AK8: variants seen among roughly 807,000 people sequenced by gnomAD.
AK8 encodes adenylate kinase 8.
In AK8, 44 loss-of-function variants were observed where a neutral mutation model predicts 54.6. The observed-to-expected ratio is 0.81, with a 90% CI of 0.63 to 1.04. AK8 has a LOEUF of 1.04. AK8 is among the 50% of genes least tolerant of loss of function. The pLI, the probability that AK8 is intolerant of heterozygous loss-of-function variation, is 0.00. For synonymous variants in AK8, 239 were observed against 245.6 expected, an observed-to-expected ratio of 0.97 and a Z score of 0.25; for missense variants, 555 against 613.6, an observed-to-expected ratio of 0.90 and a Z score of 1.01.
chr9:132,727,157 G>A (rs1005368698), intron 12 of AK8, among the ~76,000 whole-genome samples: 21 of 152,054 alleles, frequency 1.4e-4, no homozygotes, highest in African/African-American at 4.1e-4. Flanking sequence ...AACAGGTGAC[G>A]CCCACCCAAG....
In AK8 at chr9:132,826,194, G is replaced by T. The variant is rs924293151; in HGVS notation, c.757+660C>A. ...GCACAAGTTTTGTTCCTATTTTAGC[G>T]ATGCCAAAACTAGGGCTCCGAGGAG... On this transcript the variant is annotated intron_variant, in intron 8 of 12. Coordinates refer to ENST00000298545, the MANE Select transcript of AK8 (RefSeq NM_152572.3). This position sits in a 1 kb window ranked among gnomAD's most constrained non-coding sequence, Gnocchi z 4.5. 1.1e-4 allele frequency among the ~76,000 whole-genome samples: 17 copies of T among 152,268 alleles called. No homozygotes were observed. Among genetic ancestry groups the T allele is most frequent in the African/African-American group, 4.1e-4 (17 of 41,554 alleles).
In AK8 at chr9:132,725,771, G is replaced by C. The variant is rs773892056; in HGVS notation, c.1357C>G (p.Leu453Val). 1 of 1,600,598 alleles carries C rather than the reference G, an allele frequency of 6.2e-7. No homozygotes were observed. The highest frequency in any genetic ancestry group is 8.5e-7 in the Non-Finnish European group (1 of 1,173,838). ...LEQLYGSAIT[L>V]NGDQDPYTVF... Reference sequence around the variant, plus strand: ...GTGTATGGGTCCTGGTCCCCATTGAGGGTGATGGCCGACCCATACAACTGC... The same window carrying C: ...GTGTATGGGTCCTGGTCCCCATTGACGGTGATGGCCGACCCATACAACTGC... The change falls in exon 13 of 13, where the codon CTC (leucine) becomes GTC (valine). Residue 453 changes from leucine (L) to valine (V), a missense_variant. Leu to Val is a conservative substitution (Grantham distance 32). Coordinates refer to ENST00000298545, the MANE Select transcript of AK8 (RefSeq NM_152572.3).
Position 132,828,725 on chromosome 9 carries a change from C to G in AK8, c.404G>C (p.Gly135Ala), listed in dbSNP as rs1327914436. ...RLAEEDCIKQ[G>A]WILDGIPETR... is the part of the protein sequence containing the mutation. The stretch of plus-strand genomic sequence containing the variant: ...CTCAGGGATGCCATCCAGAATCCAG[C>G]CCTAGACAGAAGATTCAGAGAGGTG... Residue 135 changes from glycine to alanine, a missense_variant and splice_region_variant, in exon 6 of 13, where the codon GGC becomes GCC. Physicochemically the swap from Gly to Ala is moderately conservative, Grantham distance 60. Coordinates refer to ENST00000298545, the MANE Select transcript of AK8 (RefSeq NM_152572.3). 1 of 1,605,838 alleles carries G rather than the reference C, an allele frequency of 6.2e-7. No homozygotes were observed. Among genetic ancestry groups the G allele is most frequent in the African/African-American group, 1.3e-5 (1 of 74,710 alleles).
intron 4 of AK8, 133 bp downstream of exon 4, chr9:132,863,532 A>G: frequency 1.5e-6 from 1 of 648,700 alleles, no homozygotes; most frequent in South Asian, 2.0e-5. Context: ...CCTGTATCTC[A>G]TTTTACCCCA....
chr9:132,865,114 G>C (rs918803230), intron 3 of AK8, among the ~76,000 whole-genome samples: 1 of 152,162 alleles, frequency 6.6e-6, no homozygotes, highest in Non-Finnish European at 1.5e-5. Context: ...TGATCAGCAG[G>C]TCTGGGAGTC....
chr9:132,769,076 A>G (rs1838844891), intron 11 of AK8: 1 of 57,802 alleles, frequency 1.7e-5, no homozygotes, highest in Admixed American at 2.2e-4. Flanking sequence ...AGGAGGGGAA[A>G]TGGGAGGGGG....
intron 11 of AK8, among the ~76,000 whole-genome samples, chr9:132,728,437 C>T (rs1836674922): frequency 6.6e-6 from 1 of 152,236 alleles, no homozygotes; most frequent in East Asian, 1.9e-4. Context: ...TGAGCTTGGG[C>T]CACTGACCCA....
At chr9:132,750,845 C>T (rs765566815) in intron 11 of AK8, among the ~76,000 whole-genome samples, 9 of 151,914 alleles carry the variant, frequency 5.9e-5, no homozygotes, top group Non-Finnish European at 1.3e-4. Flanking sequence ...GAAGAAACCT[C>T]GATTTGTGGG....
intron 6 of AK8, 132 bp downstream of exon 6, chr9:132,828,512 CT>C (rs1564425607): frequency 9.8e-6 from 7 of 717,416 alleles, no homozygotes; most frequent in Non-Finnish European, 1.6e-5. Context: ...TTCAGTTGTG[CT>C]GTCCTCTTCC....
chr9:132,742,881 G>A (rs143620474), intron 11 of AK8, among the ~76,000 whole-genome samples: 1,624 of 152,314 alleles, frequency 0.011, 16 homozygotes, highest in Middle Eastern at 0.017. Context: ...AGGGAACCGA[G>A]GGACAGAGGA....
chr9:132,794,402 C>T (rs771351172), intron 10 of AK8, among the ~76,000 whole-genome samples: 49 of 152,134 alleles, frequency 3.2e-4, no homozygotes, highest in Non-Finnish European at 5.3e-4. Flanking sequence ...CTCCTCCATC[C>T]GGAACACCCT....
rs542421782 is a variant in AK8 at position 132,756,143 on chromosome 9, A to G, written c.1122-28609T>C. Among the ~76,000 whole-genome samples, 12 of 152,330 alleles carry G rather than the reference A, an allele frequency of 7.9e-5. 1 individual carries two copies. The South Asian group carries it at 1.7e-3, about 21-fold the overall frequency. On this transcript the variant is annotated intron_variant, in intron 11 of 12. Coordinates refer to ENST00000298545, the MANE Select transcript of AK8 (RefSeq NM_152572.3). ...TCCCATTGCCACCTTTACAGACACT[A>G]AAGAATTTTGTCCAGACTCTTCCTG...
At chr9:132,779,914 T>C (rs1839386462) in intron 11 of AK8, among the ~76,000 whole-genome samples, 1 of 152,214 alleles carries the variant, frequency 6.6e-6, no homozygotes, top group Non-Finnish European at 1.5e-5. Context: ...TCTCTAACGC[T>C]GACTGCCTTT....
intron 11 of AK8, among the ~76,000 whole-genome samples, chr9:132,765,739 A>G (rs757647187): frequency 6.6e-6 from 1 of 152,250 alleles, no homozygotes; most frequent in African/African-American, 2.4e-5. Flanking sequence ...TTTATACTGA[A>G]TAGGAAAAAG....
chr9:132,729,379 C>T lies in AK8; in HGVS notation c.1122-1845G>A, dbSNP rs192626646. Among the ~76,000 whole-genome samples the T allele has an allele frequency of 1.1e-3, 166 of 152,244 alleles. 1 individual carries two copies. Among genetic ancestry groups the T allele is most frequent in the African/African-American group, 3.9e-3 (161 of 41,530 alleles). ...AATGTCAAGTGCATGGCTGAGGAGCCCTGCCTGGGACAGTGTGTGAACAAA... is the reference window on the plus strand; with the variant it reads ...AATGTCAAGTGCATGGCTGAGGAGCTCTGCCTGGGACAGTGTGTGAACAAA... On this transcript the variant is annotated intron_variant, in intron 11 of 12. Coordinates refer to ENST00000298545, the MANE Select transcript of AK8 (RefSeq NM_152572.3).
At chr9:132,859,966 G>A (rs537124651) in intron 4 of AK8, among the ~76,000 whole-genome samples, 2 of 152,172 alleles carry the variant, frequency 1.3e-5, no homozygotes, top group Non-Finnish European at 2.9e-5. Flanking sequence ...GGTGTTCGGC[G>A]AGAGGACTGG....
At chr9:132,732,095 T>A (rs971788324) in intron 11 of AK8, among the ~76,000 whole-genome samples, 1 of 152,230 alleles carries the variant, frequency 6.6e-6, no homozygotes, top group African/African-American at 2.4e-5. Flanking sequence ...TGAGTTATTA[T>A]GGCCAATTTT....
Position 132,799,443 on chromosome 9 carries a change from C to T in AK8, c.980-6668G>A, listed in dbSNP as rs1840337828. Among the ~76,000 whole-genome samples the T allele has an allele frequency of 6.6e-6, 1 of 152,130 alleles. No individual in the cohort carries two copies. Among genetic ancestry groups the T allele is most frequent in the South Asian group, 2.1e-4 (1 of 4,822 alleles). On this transcript the variant is annotated intron_variant, in intron 10 of 12. Coordinates refer to ENST00000298545, the MANE Select transcript of AK8 (RefSeq NM_152572.3). This position sits in a 1 kb window ranked among gnomAD's most constrained non-coding sequence, Gnocchi z 5.0. ...GGAAAGAGCTGAGTGCCTCCCCACACACCCTTGCACATGCCCTGCACACGT... is the reference window on the plus strand; with the variant it reads ...GGAAAGAGCTGAGTGCCTCCCCACATACCCTTGCACATGCCCTGCACACGT...
chr9:132,834,503 G>A (rs1842237451), intron 5 of AK8, among the ~76,000 whole-genome samples: 1 of 152,144 alleles, frequency 6.6e-6, no homozygotes, highest in African/African-American at 2.4e-5. Context: ...CACTGAACGT[G>A]GAATGCACTG....
Sources: allele counts gnomAD v4.1 joint callset (sites outside exome capture counted in the v4.1 genomes callset), GRCh38; gene constraint gnomAD v4.1.1; non-coding constraint Gnocchi (gnomAD v3.1); transcripts MANE v1.5; gene names NCBI Gene and HGNC (gene_info 2026-07-23, HGNC 2026-07-21).